RBFOX1: variants seen among roughly 807,000 people sequenced by gnomAD.
RBFOX1 encodes the protein RNA binding fox-1 homolog 1.
A neutral mutation model predicts 57.7 loss-of-function variants in RBFOX1; 8 were observed. The ratio of observed to expected loss-of-function variants is 0.14; its 90% CI spans 0.08 to 0.25. The LOEUF is 0.25. Among genes scored for constraint, RBFOX1 ranks in the 10% least tolerant of loss-of-function variants. The pLI, the probability that RBFOX1 is intolerant of heterozygous loss-of-function variation, is 1.00. For missense variants in RBFOX1, 611 were observed against 548.5 expected (o/e 1.11, Z -1.14); for synonymous variants, 326 against 222.4 (o/e 1.47, Z -4.15).
intron 4 of RBFOX1, among the ~76,000 whole-genome samples, chr16:5,931,718 G>A (rs2059062253): frequency 6.6e-6 from 1 of 152,074 alleles, no homozygotes; most frequent in Non-Finnish European, 1.5e-5. Flanking sequence ...TGTGTAGGCA[G>A]AATCCTGAAA....
intron 10 of RBFOX1, among the ~76,000 whole-genome samples, chr16:7,613,539 T>C (rs191124760): frequency 6.6e-6 from 1 of 152,302 alleles, no homozygotes; most frequent in African/African-American, 2.4e-5. Flanking sequence ...GATCTCAGTA[T>C]GAAGTTTAAA....
At chr16:7,499,357 C>G (rs1273280313) in intron 4 of RBFOX1, among the ~76,000 whole-genome samples, 1 of 152,122 alleles carries the variant, frequency 6.6e-6, no homozygotes, top group African/African-American at 2.4e-5. Context: ...AGAAGCCCAC[C>G]CTGCTCGCTA....
At chr16:5,907,163 T>C (rs940421920) in intron 4 of RBFOX1, among the ~76,000 whole-genome samples, 6 of 152,166 alleles carry the variant, frequency 3.9e-5, no homozygotes, top group African/African-American at 9.7e-5. Context: ...ACTTTGCAGA[T>C]TGTTGACCTG....
chr16:7,439,952 T>C (rs925675094), intron 4 of RBFOX1, among the ~76,000 whole-genome samples: 37 of 79,010 alleles, frequency 4.7e-4, no homozygotes, highest in African/African-American at 7.0e-4. Context: ...TTTCTTTCTT[T>C]TTTTTTTTTT....
chr16:7,538,052 C>A (rs1402491333), intron 5 of RBFOX1, among the ~76,000 whole-genome samples: 1 of 152,132 alleles, frequency 6.6e-6, no homozygotes, highest in Non-Finnish European at 1.5e-5. Flanking sequence ...AGTGAGAAAT[C>A]AATGGAGGTA....
At chr16:5,897,714 G>C (rs1244744752) in intron 4 of RBFOX1, among the ~76,000 whole-genome samples, 1 of 152,096 alleles carries the variant, frequency 6.6e-6, no homozygotes, top group Admixed American at 6.6e-5. Flanking sequence ...TGTTCAGTTT[G>C]AAAGACCTGA....
Position 7,710,558 on chromosome 16 carries a change from T to C in RBFOX1, c.1072-65T>C, listed in dbSNP as rs1598717208. 7 of 1,601,722 alleles carry C rather than the reference T, an allele frequency of 4.4e-6. No homozygotes were observed. In the East Asian group the frequency reaches 1.6e-4, roughly 36 times the overall value. ...GTGTCTATTTTTCACATTAGTCTTT[T>C]TGATGATCCACATGTTGCAAAAGGA... On this transcript the variant is annotated intron_variant, in intron 15 of 15. Coordinates refer to ENST00000550418, the MANE Select transcript of RBFOX1 (RefSeq NM_018723.4).
chr16:6,126,749 A>G (rs1402260131), intron 1 of RBFOX1, among the ~76,000 whole-genome samples: 1 of 152,168 alleles, frequency 6.6e-6, no homozygotes, highest in East Asian at 1.9e-4. Flanking sequence ...TAACATTCAC[A>G]TAATAGTCAA....
At chr16:5,253,377 C>A (rs2062504776) in intron 1 of RBFOX1, among the ~76,000 whole-genome samples, 1 of 152,162 alleles carries the variant, frequency 6.6e-6, no homozygotes. Flanking sequence ...GTCTTGAACT[C>A]CTGACCTCAG....
chr16:7,076,994 A>G (rs1314395663), intron 4 of RBFOX1, among the ~76,000 whole-genome samples: 1 of 152,196 alleles, frequency 6.6e-6, no homozygotes, highest in Non-Finnish European at 1.5e-5. Flanking sequence ...GGTGTACGCG[A>G]GAGAGGTGGG....
chr16:7,051,024 C>A (rs1480555451), intron 3 of RBFOX1, among the ~76,000 whole-genome samples: 8 of 151,956 alleles, frequency 5.3e-5, no homozygotes, highest in Non-Finnish European at 5.9e-5. Flanking sequence ...GTAAAATATA[C>A]ATCAAAAGTT....
intron 3 of RBFOX1, among the ~76,000 whole-genome samples, chr16:5,630,706 G>A (rs1343991775): frequency 6.6e-6 from 1 of 152,100 alleles, no homozygotes. Flanking sequence ...TTTCTATCCT[G>A]ATGGACGTGG....
intron 3 of RBFOX1, among the ~76,000 whole-genome samples, chr16:5,687,362 C>T (rs2050536485): frequency 6.6e-6 from 1 of 152,032 alleles, no homozygotes; most frequent in Non-Finnish European, 1.5e-5. Flanking sequence ...TCCCTCCCCA[C>T]CAATTAGTGG....
At chr16:7,182,510 A>G (rs2082920722) in intron 4 of RBFOX1, among the ~76,000 whole-genome samples, 2 of 152,154 alleles carry the variant, frequency 1.3e-5, no homozygotes, top group South Asian at 4.1e-4. Context: ...TAGATATTTT[A>G]TGGTGAACTG....
chr16:7,547,604 TAGAATC>T lies in RBFOX1; in HGVS notation c.270+29218_270+29223del, dbSNP rs201785158. The stretch of plus-strand genomic sequence containing the variant: ...CAGTTGACCACACTGCTGGCAGTGT[TAGAATC>T]AGGATTGAGGCAGGCATGACAAATA... On this transcript the variant is annotated intron_variant, in intron 5 of 15. Coordinates refer to ENST00000550418, the MANE Select transcript of RBFOX1 (RefSeq NM_018723.4). 9.9e-3 allele frequency among the ~76,000 whole-genome samples: 1,504 copies of T among 152,346 alleles called. 12 individuals carry two copies. The highest frequency in any genetic ancestry group is 0.018 in the Non-Finnish European group (1,225 of 68,032).
intron 4 of RBFOX1, among the ~76,000 whole-genome samples, chr16:5,929,769 C>A (rs532902854): frequency 6.6e-6 from 1 of 152,188 alleles, no homozygotes; most frequent in Non-Finnish European, 1.5e-5. Flanking sequence ...TAGTCACTTG[C>A]TGTGTGCCAC....
intron 4 of RBFOX1, among the ~76,000 whole-genome samples, chr16:7,148,907 T>G (rs2075574799): frequency 6.6e-6 from 1 of 152,228 alleles, no homozygotes; most frequent in South Asian, 2.1e-4. Context: ...CATCTGACTT[T>G]GCATGTGCCT....
chr16:6,004,426 A>G (rs1204139981), intron 4 of RBFOX1, among the ~76,000 whole-genome samples: 1 of 152,220 alleles, frequency 6.6e-6, no homozygotes, highest in African/African-American at 2.4e-5. Context: ...GAAAGTGTAC[A>G]TAGGAAGCAT....
chr16:6,045,920 A>T (rs1003066074), intron 1 of RBFOX1, among the ~76,000 whole-genome samples: 2 of 152,216 alleles, frequency 1.3e-5, no homozygotes, highest in Non-Finnish European at 2.9e-5. Flanking sequence ...CTGAAGTAGG[A>T]AAAAGATTGA....
Sources: gnomAD v4.1 joint callset for allele counts (sites outside exome capture counted in the v4.1 genomes callset) on GRCh38, gnomAD v4.1.1 for gene constraint, MANE v1.5 for transcripts, NCBI Gene and HGNC (gene_info 2026-07-23, HGNC 2026-07-21) for gene names.